The following CNTN5 variants were observed in gnomAD, a reference collection of about 807,000 sequenced individuals.
The protein encoded by CNTN5 is contactin 5.
Under a neutral mutation model 129.1 loss-of-function variants are expected in CNTN5, and 77 were observed. The observed-to-expected ratio is 0.60, with a 90% CI of 0.50 to 0.72. The LOEUF is 0.72. Among genes scored for constraint, CNTN5 ranks in the 30% least tolerant of loss-of-function variants. CNTN5 has a pLI of 0.00. For missense variants in CNTN5, 1,478 were observed against 1,328.8 expected (o/e 1.11, Z -1.75); for synonymous variants, 509 against 465.6 (o/e 1.09, Z -1.20).
chr11:99,342,074 GTTTA>G (rs1170293317), intron 2 of CNTN5, among the ~76,000 whole-genome samples: 1 of 152,072 alleles, frequency 6.6e-6, no homozygotes, highest in Non-Finnish European at 1.5e-5. Context: ...ATAAATCAGT[GTTTA>G]TTTGTCATGC....
At chr11:99,406,256 G>T (rs1942058786) in intron 2 of CNTN5, among the ~76,000 whole-genome samples, 1 of 152,044 alleles carries the variant, frequency 6.6e-6, no homozygotes, top group African/African-American at 2.4e-5. Context: ...TCTGCTTGAA[G>T]GGGCACCCCA....
At chr11:100,007,165 A>C (rs1378632998) in intron 9 of CNTN5, among the ~76,000 whole-genome samples, 1 of 152,084 alleles carries the variant, frequency 6.6e-6, no homozygotes, top group Non-Finnish European at 1.5e-5. Flanking sequence ...ATGCAGTGTC[A>C]CCAGGCTTTG....
intron 18 of CNTN5, among the ~76,000 whole-genome samples, chr11:100,285,975 G>A (rs570690727): frequency 1.9e-4 from 29 of 152,308 alleles, no homozygotes; most frequent in East Asian, 9.7e-4. Flanking sequence ...CTCCCTTTCC[G>A]AGTCAAAGAA....
chr11:100,039,048 A>T (rs1308592242), intron 9 of CNTN5, among the ~76,000 whole-genome samples: 1 of 152,146 alleles, frequency 6.6e-6, no homozygotes, highest in Admixed American at 6.6e-5. Flanking sequence ...TAGTTGATGC[A>T]GTTTCTTCCT....
chr11:100,201,157 C>A (rs1282522847), intron 15 of CNTN5, among the ~76,000 whole-genome samples: 1 of 151,910 alleles, frequency 6.6e-6, no homozygotes, highest in African/African-American at 2.4e-5. Context: ...AAACCAAATT[C>A]TCACCTAACT....
intron 3 of CNTN5, among the ~76,000 whole-genome samples, chr11:99,609,773 CTT>C (rs1950540840): frequency 6.6e-6 from 1 of 152,062 alleles, no homozygotes; most frequent in African/African-American, 2.4e-5. Context: ...AGAATATAGA[CTT>C]TGAAAACAGA....
intron 13 of CNTN5, among the ~76,000 whole-genome samples, chr11:100,149,604 T>C (rs1295288390): frequency 6.6e-6 from 1 of 152,132 alleles, no homozygotes; most frequent in Non-Finnish European, 1.5e-5. Context: ...ATTAGGAATC[T>C]CATGGGGGCC....
At chr11:99,885,802 T>C (rs914401014) in intron 6 of CNTN5, among the ~76,000 whole-genome samples, 3 of 152,070 alleles carry the variant, frequency 2.0e-5, no homozygotes, top group African/African-American at 7.2e-5. Context: ...AATAGAGAAT[T>C]GAAAGAAGAT....
intron 3 of CNTN5, among the ~76,000 whole-genome samples, chr11:99,720,215 G>T (rs143303358): frequency 1.2e-3 from 188 of 152,126 alleles, no homozygotes; most frequent in African/African-American, 4.4e-3. Context: ...CAGAGCCATA[G>T]CAACAACAAC....
intron 10 of CNTN5, among the ~76,000 whole-genome samples, chr11:100,066,470 G>A (rs535069838): frequency 6.6e-6 from 1 of 152,086 alleles, no homozygotes; most frequent in Non-Finnish European, 1.5e-5. Context: ...AATGACAAGA[G>A]ATAATAAGCA....
intron 6 of CNTN5, among the ~76,000 whole-genome samples, chr11:99,889,273 G>T (rs1948982401): frequency 1.4e-5 from 2 of 148,068 alleles, no homozygotes; most frequent in Non-Finnish European, 1.5e-5. Context: ...TCACATTCTG[G>T]TTCCTTTCTC....
rs534824753 is a variant in CNTN5, at chr11:100,304,658, T to C, written c.2621-3701T>C. ...GGAGTGGCAAGGGGAAAGAGAGAAATAGAAAAGGAAAAAGCATCAGGTAAG... is the reference window on the plus strand; with the variant it reads ...GGAGTGGCAAGGGGAAAGAGAGAAACAGAAAAGGAAAAAGCATCAGGTAAG... On this transcript the variant is annotated intron_variant, in intron 20 of 24. Coordinates refer to ENST00000524871, the MANE Select transcript of CNTN5 (RefSeq NM_014361.4). Among the ~76,000 whole-genome samples the C allele has an allele frequency of 3.3e-5, 5 of 151,242 alleles. No homozygotes were observed. The East Asian group carries it at 7.8e-4, about 24-fold the overall frequency.
chr11:99,849,260 T>C (rs1307412314), intron 6 of CNTN5, among the ~76,000 whole-genome samples: 2 of 151,748 alleles, frequency 1.3e-5, no homozygotes, highest in African/African-American at 4.8e-5. Flanking sequence ...AAGTTTTCTT[T>C]CTTTTGCATG....
chr11:99,483,797 A>T (rs952208360), intron 2 of CNTN5, among the ~76,000 whole-genome samples: 3 of 152,224 alleles, frequency 2.0e-5, no homozygotes, highest in Admixed American at 2.0e-4. Context: ...TACCAAGAAC[A>T]TAAACTGGGC....
At chr11:99,952,576 G>A (rs190696372) in intron 7 of CNTN5, among the ~76,000 whole-genome samples, 262 of 152,098 alleles carry the variant, frequency 1.7e-3, no homozygotes, top group Non-Finnish European at 2.9e-3. Context: ...CTATCATCCA[G>A]GCTGGAGCGC....
chr11:99,033,223 T>A (rs1039143894), intron 1 of CNTN5, among the ~76,000 whole-genome samples: 4 of 151,600 alleles, frequency 2.6e-5, no homozygotes, highest in Admixed American at 6.6e-5. Context: ...CTTTGTTCTT[T>A]TGGCTTAGGA....
intron 3 of CNTN5, among the ~76,000 whole-genome samples, chr11:99,723,399 T>C (rs1943237103): frequency 6.6e-6 from 1 of 152,138 alleles, no homozygotes; most frequent in Non-Finnish European, 1.5e-5. Flanking sequence ...ATTCCCCTAG[T>C]ACTTTTCATC....
At chr11:99,851,389 A>C (rs1475037513) in intron 6 of CNTN5, among the ~76,000 whole-genome samples, 2 of 152,140 alleles carry the variant, frequency 1.3e-5, no homozygotes, top group African/African-American at 2.4e-5. Context: ...TTATTCCTGA[A>C]GCTTATGTTT....
chr11:100,227,015 G>A (rs1949389468), intron 16 of CNTN5, among the ~76,000 whole-genome samples: 1 of 151,822 alleles, frequency 6.6e-6, no homozygotes, highest in Non-Finnish European at 1.5e-5. Context: ...AATACTTAAA[G>A]CACAATTATT....
Sources: allele counts gnomAD v4.1 joint callset (sites outside exome capture counted in the v4.1 genomes callset), GRCh38; gene constraint gnomAD v4.1.1; transcripts MANE v1.5; gene names NCBI Gene and HGNC (gene_info 2026-07-23, HGNC 2026-07-21).